The following GMDS variants were observed in gnomAD, a reference collection of about 807,000 sequenced individuals.
GMDS encodes the protein GDP-mannose 4,6 dehydratase.
Under a neutral mutation model 49.9 loss-of-function variants are expected in GMDS, and 20 were observed. The observed-to-expected ratio is 0.40, with a 90% CI of 0.28 to 0.58. The LOEUF (loss-of-function observed/expected upper bound fraction) is 0.58, where lower values mean the gene tolerates loss of function less well. GMDS is among the 20% of genes least tolerant of loss of function. GMDS has a pLI of 0.42. For synonymous variants in GMDS, 177 were observed against 178.6 expected (o/e 0.99, Z 0.07); for missense variants, 362 against 481.4 (o/e 0.75, Z 2.32).
chr6:1,959,876 G>A lies in GMDS; in HGVS notation c.634C>T (p.Pro212Ser), dbSNP rs1454120346. Residue 212 changes from proline (P) to serine (S), a missense_variant, in exon 6 of 11, where the codon CCC becomes TCC. Transcript: ENST00000380815. Reference protein sequence around the residue: ...VNGILFNHESPRRGANFVTRK... With the variant: ...VNGILFNHESSRRGANFVTRK... ...TAATATATTTACTGACCTCTTCTGG[G>A]ACTCTCATGATTGAAGAGAATGCCG... 2 of 1,576,970 alleles carry A rather than the reference G, an allele frequency of 1.3e-6. No individual in the cohort carries two copies. The highest frequency in any genetic ancestry group is 1.7e-6 in the Non-Finnish European group (2 of 1,151,898).
At chr6:1,827,082 G>A (rs1275591299) in intron 7 of GMDS, among the ~76,000 whole-genome samples, 3 of 30,130 alleles carry the variant, frequency 1.0e-4, no homozygotes, top group Admixed American at 7.2e-4. Context: ...ATATATATGT[G>A]TGTGTGTGTG....
At chr6:1,660,937 T>C (rs765749396) in intron 9 of GMDS, among the ~76,000 whole-genome samples, 16 of 151,692 alleles carry the variant, frequency 1.1e-4, no homozygotes, top group South Asian at 2.1e-4. Context: ...ATGGCCTCCA[T>C]TTCCTCCCAT....
At chr6:2,009,935 A>C (rs1767445452) in intron 4 of GMDS, among the ~76,000 whole-genome samples, 1 of 152,214 alleles carries the variant, frequency 6.6e-6, no homozygotes, top group Non-Finnish European at 1.5e-5. Context: ...AAATACTTGA[A>C]GATATAATGG....
intron 7 of GMDS, among the ~76,000 whole-genome samples, chr6:1,800,117 C>T (rs369716155): frequency 1.3e-5 from 2 of 152,178 alleles, no homozygotes; most frequent in South Asian, 4.2e-4. Context: ...TTGATGATGC[C>T]CATATGGTGG....
chr6:2,208,856 A>AG (rs889313824), intron 1 of GMDS, among the ~76,000 whole-genome samples: 1 of 146,246 alleles, frequency 6.8e-6, no homozygotes, highest in African/African-American at 2.5e-5. Context: ...GGCTACATTA[A>AG]AAAAAAAAAA....
At chr6:1,649,003 C>T (rs752995573) in intron 9 of GMDS, among the ~76,000 whole-genome samples, 17 of 152,216 alleles carry the variant, frequency 1.1e-4, no homozygotes, top group Non-Finnish European at 2.2e-4. Flanking sequence ...CAGTCATTCA[C>T]ATTTACACAC....
chr6:2,017,356 AGGAGT>A (rs1767968647), intron 4 of GMDS, among the ~76,000 whole-genome samples: 1 of 151,772 alleles, frequency 6.6e-6, no homozygotes, highest in African/African-American at 2.4e-5. Context: ...TTTGCCAGGC[AGGAGT>A]GCAGTGGCGC....
intron 9 of GMDS, among the ~76,000 whole-genome samples, chr6:1,697,734 T>A (rs1029662839): frequency 6.6e-6 from 1 of 152,160 alleles, no homozygotes; most frequent in African/African-American, 2.4e-5. Context: ...TTCTGATGCT[T>A]GTGCAAGTCT....
intron 7 of GMDS, among the ~76,000 whole-genome samples, chr6:1,783,797 C>T (rs1277986823): frequency 6.6e-6 from 1 of 152,170 alleles, no homozygotes; most frequent in Non-Finnish European, 1.5e-5. Context: ...TGCTCATTCA[C>T]ATTAATAAGC....
At chr6:1,929,461 A>C (rs543289407) in intron 7 of GMDS, among the ~76,000 whole-genome samples, 1 of 152,368 alleles carries the variant, frequency 6.6e-6, no homozygotes, top group Non-Finnish European at 1.5e-5. Context: ...TGCGTATGTA[A>C]TATATGCAAA....
intron 7 of GMDS, among the ~76,000 whole-genome samples, chr6:1,804,563 T>A (rs1037006951): frequency 2.6e-5 from 4 of 152,250 alleles, no homozygotes; most frequent in Admixed American, 2.6e-4. Context: ...CTCAGCAGAT[T>A]CACTACCACA....
At chr6:1,916,467 G>A (rs1278848081) in intron 7 of GMDS, among the ~76,000 whole-genome samples, 1 of 151,918 alleles carries the variant, frequency 6.6e-6, no homozygotes, top group Non-Finnish European at 1.5e-5. Flanking sequence ...TGAAGGGAGG[G>A]GAAGGGAAAG....
At chr6:1,842,969 T>C (rs1011658273) in intron 7 of GMDS, among the ~76,000 whole-genome samples, 4 of 151,694 alleles carry the variant, frequency 2.6e-5, no homozygotes, top group African/African-American at 9.7e-5. Context: ...TAGCTGGACA[T>C]GGTGGTGCAC....
At chr6:1,856,944 T>C (rs1365027718) in intron 7 of GMDS, among the ~76,000 whole-genome samples, 3 of 152,332 alleles carry the variant, frequency 2.0e-5, no homozygotes, top group Admixed American at 6.5e-5. Context: ...TGTGAGTTTG[T>C]AAGTTTTTCA....
chr6:1,686,323 T>C (rs780816425), intron 9 of GMDS, among the ~76,000 whole-genome samples: 4 of 152,184 alleles, frequency 2.6e-5, no homozygotes, highest in Non-Finnish European at 4.4e-5. Flanking sequence ...TGCACTTAAG[T>C]ATGCAATCAG....
intron 6 of GMDS, among the ~76,000 whole-genome samples, chr6:1,958,115 G>GTTTTT (rs35647807): frequency 7.7e-6 from 1 of 129,452 alleles, no homozygotes. Flanking sequence ...CTTAAAATAT[G>GTTTTT]TTTTTTTTTT....
intron 9 of GMDS, among the ~76,000 whole-genome samples, chr6:1,655,653 G>A (rs910917245): frequency 5.3e-5 from 8 of 152,074 alleles, no homozygotes; most frequent in Admixed American, 2.6e-4. Flanking sequence ...ACAGGCGCCA[G>A]CCACCACGCC....
chr6:1,633,267 A>C (rs1364552537), intron 9 of GMDS, among the ~76,000 whole-genome samples: 7 of 152,232 alleles, frequency 4.6e-5, no homozygotes, highest in African/African-American at 1.7e-4. Flanking sequence ...CCTTCCTCTA[A>C]TTTTAGATAA....
chr6:1,785,851 G>A (rs879549295), intron 7 of GMDS, among the ~76,000 whole-genome samples: 3 of 152,172 alleles, frequency 2.0e-5, no homozygotes, highest in South Asian at 2.1e-4. Flanking sequence ...CATTTTCTGC[G>A]CACCATTCAG....
Sources: gnomAD v4.1 joint callset for allele counts (sites outside exome capture counted in the v4.1 genomes callset) on GRCh38, gnomAD v4.1.1 for gene constraint, MANE v1.5 for transcripts, NCBI Gene and HGNC (gene_info 2026-07-23, HGNC 2026-07-21) for gene names.